SLC9A9: variants seen among roughly 807,000 people sequenced by gnomAD.
SLC9A9 encodes the protein sodium/hydrogen exchanger 9.
A neutral mutation model predicts 77.8 loss-of-function variants in SLC9A9; 62 were observed. The observed-to-expected ratio is 0.80, with a 90% CI of 0.65 to 0.98. SLC9A9 has a LOEUF of 0.98. Ranked by LOEUF, SLC9A9 falls within the 50% of genes least tolerant of loss-of-function variation. The pLI, the probability that SLC9A9 is intolerant of heterozygous loss-of-function variation, is 0.00. For missense variants in SLC9A9, 775 were observed against 774.9 expected, an observed-to-expected ratio of 1.00 and a Z score of 0.00; for synonymous variants, 320 against 283.5, an observed-to-expected ratio of 1.13 and a Z score of -1.29.
At chr3:143,812,845 C>G (rs2008904714) in intron 2 of SLC9A9, among the ~76,000 whole-genome samples, 1 of 152,162 alleles carries the variant, frequency 6.6e-6, no homozygotes, top group African/African-American at 2.4e-5. Flanking sequence ...AAAAGCCACA[C>G]TGGATTGAGA....
At chr3:143,519,450 A>G (rs2036259421) in intron 9 of SLC9A9, among the ~76,000 whole-genome samples, 1 of 152,164 alleles carries the variant, frequency 6.6e-6, no homozygotes, top group Non-Finnish European at 1.5e-5. Context: ...AGAATGGAAG[A>G]AGAGGAGATA....
intron 4 of SLC9A9, among the ~76,000 whole-genome samples, chr3:143,734,806 G>A (rs893736787): frequency 6.6e-6 from 1 of 151,932 alleles, no homozygotes; most frequent in Non-Finnish European, 1.5e-5. Flanking sequence ...TGTCACAGAG[G>A]TGACAGAGCT....
chr3:143,584,165 C>T (rs756605026), intron 6 of SLC9A9, among the ~76,000 whole-genome samples: 4 of 151,972 alleles, frequency 2.6e-5, no homozygotes, highest in Non-Finnish European at 4.4e-5. Context: ...GGAGTCATCT[C>T]TCTCCTGATC....
intron 6 of SLC9A9, among the ~76,000 whole-genome samples, chr3:143,593,458 T>C (rs1267016283): frequency 1.3e-5 from 2 of 152,258 alleles, no homozygotes; most frequent in South Asian, 2.1e-4. Context: ...GTGTCTCCTC[T>C]GGATTAAGTG....
At chr3:143,779,994 A>G (rs1385320744) in intron 4 of SLC9A9, among the ~76,000 whole-genome samples, 2 of 152,182 alleles carry the variant, frequency 1.3e-5, no homozygotes, top group Non-Finnish European at 2.9e-5. Context: ...CTGTGCTGGG[A>G]TAATGCTGTA....
At position 143,677,866 on chromosome 3, in the gene SLC9A9, G is replaced by A. The variant is rs1232779833; in HGVS notation, c.649+15326C>T. On this transcript the variant is annotated intron_variant, in intron 5 of 15. Coordinates refer to ENST00000316549, the MANE Select transcript of SLC9A9 (RefSeq NM_173653.4). The stretch of plus-strand genomic sequence containing the variant: ...TTTTGAGACAGAGTCTCGCTCTGTC[G>A]CCCAGGCTGGAGTGCAGTGGCACAA... Among the ~76,000 whole-genome samples, 8 of 119,978 alleles carry A rather than the reference G, an allele frequency of 6.7e-5. 1 individual carries two copies. The highest frequency in any genetic ancestry group is 5.7e-4 in the East Asian group (2 of 3,496). 78.7% of individuals were successfully genotyped at this position (119,978 alleles called of 152,430 possible).
In SLC9A9 at chr3:143,410,719, T is replaced by A. The variant is rs2034079641; in HGVS notation, c.1470-28605A>T. On this transcript the variant is annotated intron_variant, in intron 12 of 15. Coordinates refer to ENST00000316549, the MANE Select transcript of SLC9A9 (RefSeq NM_173653.4). ...TTAAGTGGTATACATAAATTTTATT[T>A]ATTTTCAGTCTTTTTTTACTTTCAT... Among the ~76,000 whole-genome samples, 4 of 152,206 alleles carry A rather than the reference T, an allele frequency of 2.6e-5. No individual in the cohort carries two copies. In the South Asian group the frequency reaches 8.3e-4, roughly 31 times the overall value.
chr3:143,452,184 A>C (rs2035018756), intron 12 of SLC9A9, among the ~76,000 whole-genome samples: 1 of 152,116 alleles, frequency 6.6e-6, no homozygotes, highest in African/African-American at 2.4e-5. Flanking sequence ...ACTAATTACA[A>C]AGGTAAAAAT....
intron 14 of SLC9A9, among the ~76,000 whole-genome samples, chr3:143,279,641 A>G: frequency 6.6e-6 from 1 of 151,954 alleles, no homozygotes; most frequent in East Asian, 1.9e-4. Context: ...TTCAGCTCCC[A>G]CTTATGAGTG....
chr3:143,702,957 C>A (rs1301432268), intron 4 of SLC9A9, among the ~76,000 whole-genome samples: 3 of 151,970 alleles, frequency 2.0e-5, no homozygotes, highest in African/African-American at 7.2e-5. Flanking sequence ...GATTTCAAGA[C>A]TAAAATTATA....
At chr3:143,596,714 G>A (rs2037758980) in intron 6 of SLC9A9, among the ~76,000 whole-genome samples, 1 of 152,080 alleles carries the variant, frequency 6.6e-6, no homozygotes, top group African/African-American at 2.4e-5. Context: ...CCAAGCTGGA[G>A]TACAGTGGCA....
At chr3:143,768,844 T>G (rs2007417336) in intron 4 of SLC9A9, among the ~76,000 whole-genome samples, 1 of 152,194 alleles carries the variant, frequency 6.6e-6, no homozygotes, top group African/African-American at 2.4e-5. Flanking sequence ...TGCAACAGTG[T>G]GTATAAATGT....
At chr3:143,386,026 C>T (rs1264145870) in intron 12 of SLC9A9, among the ~76,000 whole-genome samples, 1 of 152,132 alleles carries the variant, frequency 6.6e-6, no homozygotes, top group Admixed American at 6.5e-5. Flanking sequence ...TGTGCGATAC[C>T]CTGCCTTCTT....
intron 6 of SLC9A9, among the ~76,000 whole-genome samples, chr3:143,606,399 A>AAT (rs2037922591): frequency 1.5e-5 from 1 of 66,834 alleles, no homozygotes; most frequent in East Asian, 4.6e-4. Context: ...CGAAAGAGTG[A>AAT]ATCTCTCTCT....
At chr3:143,285,056 A>G (rs919161909) in intron 14 of SLC9A9, among the ~76,000 whole-genome samples, 3 of 152,186 alleles carry the variant, frequency 2.0e-5, no homozygotes, top group African/African-American at 7.2e-5. Context: ...TCTTGTCCCC[A>G]AAGTCTATTC....
intron 9 of SLC9A9, among the ~76,000 whole-genome samples, chr3:143,542,980 G>A (rs2036712838): frequency 6.6e-6 from 1 of 152,338 alleles, no homozygotes; most frequent in African/African-American, 2.4e-5. Flanking sequence ...TGTGGTGAGT[G>A]TTAAGACTGA....
At chr3:143,438,852 C>G (rs2034673185) in intron 12 of SLC9A9, among the ~76,000 whole-genome samples, 1 of 152,156 alleles carries the variant, frequency 6.6e-6, no homozygotes. Flanking sequence ...CCACCAACTC[C>G]AGGAATGTCA....
intron 14 of SLC9A9, among the ~76,000 whole-genome samples, chr3:143,319,430 C>T (rs901586604): frequency 2.0e-5 from 3 of 152,188 alleles, no homozygotes; most frequent in African/African-American, 7.2e-5. Flanking sequence ...GAATGTCTGT[C>T]ATTTGCTTTG....
chr3:143,484,310 G>A (rs2035621548), intron 11 of SLC9A9, among the ~76,000 whole-genome samples: 1 of 152,244 alleles, frequency 6.6e-6, no homozygotes, highest in Non-Finnish European at 1.5e-5. Flanking sequence ...AGGCCAGACA[G>A]TGTGTTGTTT....
Sources: allele counts gnomAD v4.1 joint callset (sites outside exome capture counted in the v4.1 genomes callset), GRCh38; gene constraint gnomAD v4.1.1; transcripts MANE v1.5; gene names NCBI Gene and HGNC (gene_info 2026-07-23, HGNC 2026-07-21).